SLC44A5: variants seen among roughly 807,000 people sequenced by gnomAD.
SLC44A5 encodes the protein choline transporter-like protein 5.
Under a neutral mutation model 101.8 loss-of-function variants are expected in SLC44A5, and 57 were observed. The ratio of observed to expected loss-of-function variants is 0.56; its 90% CI spans 0.45 to 0.70. SLC44A5 has a LOEUF of 0.70. Among genes scored for constraint, SLC44A5 ranks in the 30% least tolerant of loss-of-function variants. The pLI, the probability that SLC44A5 is intolerant of heterozygous loss-of-function variation, is 0.00. For missense variants in SLC44A5, 737 were observed against 853.1 expected (o/e 0.86, Z 1.70); for synonymous variants, 281 against 290.9 (o/e 0.97, Z 0.35).
At chr1:75,258,495 G>T (rs1052013407) in intron 6 of SLC44A5, among the ~76,000 whole-genome samples, 1 of 152,184 alleles carries the variant, frequency 6.6e-6, no homozygotes, top group East Asian at 1.9e-4. Flanking sequence ...TCTCTGGGCA[G>T]GGCATCTCTG....
chr1:75,257,763 T>C (rs1315786606), intron 6 of SLC44A5, among the ~76,000 whole-genome samples: 3 of 152,060 alleles, frequency 2.0e-5, no homozygotes, highest in Non-Finnish European at 4.4e-5. Flanking sequence ...GCTGGCAAGA[T>C]GGCTAAATAG....
chr1:75,644,737 C>T, the SLC44A5 span, among the ~76,000 whole-genome samples: 1 of 151,876 alleles, frequency 6.6e-6, no homozygotes, highest in African/African-American at 2.4e-5. Context: ...TGTGCTGCAC[C>T]TATTAACTCA....
At chr1:75,692,483 C>T in the SLC44A5 span, among the ~76,000 whole-genome samples, 16 of 152,142 alleles carry the variant, frequency 1.1e-4, no homozygotes, top group Admixed American at 5.2e-4. Flanking sequence ...GCATGAGCCA[C>T]CGCAGCCGGC....
Position 75,519,739 on chromosome 1 carries a change from T to C in SLC44A5, c.13+21696A>G, listed in dbSNP as rs370769215. ...AACATCTCTATCATCTCCTAAAGAATATATCTTATCATTTAACAACAACTC... is the reference window on the plus strand; with the variant it reads ...AACATCTCTATCATCTCCTAAAGAACATATCTTATCATTTAACAACAACTC... On this transcript the variant is annotated intron_variant, in intron 2 of 23. Transcript: ENST00000370859. 5.3e-5 allele frequency among the ~76,000 whole-genome samples: 8 copies of C among 152,362 alleles called. No homozygotes were observed. In the East Asian group the frequency reaches 9.6e-4, roughly 18 times the overall value.
At chr1:75,598,007 C>T (rs1448956594) in intron 1 of SLC44A5, among the ~76,000 whole-genome samples, 1 of 151,840 alleles carries the variant, frequency 6.6e-6, no homozygotes, top group Non-Finnish European at 1.5e-5. Context: ...AAAAGAAAAC[C>T]TAGAGAATGG....
At chr1:75,271,488 C>T (rs983238573) in intron 6 of SLC44A5, among the ~76,000 whole-genome samples, 3 of 80,818 alleles carry the variant, frequency 3.7e-5, no homozygotes, top group African/African-American at 1.6e-4. Flanking sequence ...TTATATCACT[C>T]TGCATGTTTT....
chr1:75,657,124 G>A, the SLC44A5 span, among the ~76,000 whole-genome samples: 2 of 152,136 alleles, frequency 1.3e-5, no homozygotes, highest in Non-Finnish European at 2.9e-5. Context: ...ACTCCAGCCT[G>A]CGTGACAGAA....
intron 2 of SLC44A5, among the ~76,000 whole-genome samples, chr1:75,417,619 G>A (rs12077220): frequency 0.011 from 1,671 of 152,326 alleles, 33 homozygotes; most frequent in African/African-American, 0.038. Context: ...TCTGGACATA[G>A]GTGAGATCTC....
the SLC44A5 span, among the ~76,000 whole-genome samples, chr1:75,721,388 G>A: frequency 1.3e-5 from 2 of 152,142 alleles, no homozygotes; most frequent in African/African-American, 2.4e-5. Context: ...TTCTTAAAAC[G>A]TTATGAAATT....
chr1:75,700,107 A>G, the SLC44A5 span, among the ~76,000 whole-genome samples: 2 of 152,138 alleles, frequency 1.3e-5, no homozygotes, highest in African/African-American at 4.8e-5. Context: ...TGAGACAGAA[A>G]GTTAACAAGG....
chr1:75,325,716 A>G (rs1656533251), intron 4 of SLC44A5, among the ~76,000 whole-genome samples: 2 of 151,524 alleles, frequency 1.3e-5, no homozygotes. Context: ...GAAAATGCAT[A>G]GCATATGTTT....
chr1:75,424,906 C>A (rs758627413), intron 2 of SLC44A5, among the ~76,000 whole-genome samples: 3 of 152,058 alleles, frequency 2.0e-5, no homozygotes, highest in African/African-American at 4.8e-5. Flanking sequence ...AAAACATATA[C>A]AAACAATTCA....
rs1206983122 is a variant in SLC44A5 at position 75,483,312 on chromosome 1, G to T, written c.13+58123C>A. Among the ~76,000 whole-genome samples, 3 of 152,202 alleles carry T rather than the reference G, an allele frequency of 2.0e-5. No individual in the cohort carries two copies. The East Asian group carries it at 5.8e-4, about 29-fold the overall frequency. ...AAATCCAGATATCATTTTTATTACTGGTGTTATTAAAATCAAAGTTCTAAA... is the reference window on the plus strand; with the variant it reads ...AAATCCAGATATCATTTTTATTACTTGTGTTATTAAAATCAAAGTTCTAAA... On this transcript the variant is annotated intron_variant, in intron 2 of 23. Coordinates refer to ENST00000370859, the MANE Select transcript of SLC44A5 (RefSeq NM_001130058.2).
At chr1:75,204,490 A>AC (rs1646716672) in intron 23 of SLC44A5, 1 of 148,858 alleles carries the variant, frequency 6.7e-6, no homozygotes, top group Admixed American at 6.7e-5. Context: ...GATTTTTTCA[A>AC]CTTTTTTTTT....
At chr1:75,336,715 T>G (rs1033884692) in intron 4 of SLC44A5, among the ~76,000 whole-genome samples, 1 of 152,294 alleles carries the variant, frequency 6.6e-6, no homozygotes, top group Non-Finnish European at 1.5e-5. Flanking sequence ...AAGAGAGAGA[T>G]AAACAGAATA....
chr1:75,421,686 G>A (rs762222299), intron 2 of SLC44A5, among the ~76,000 whole-genome samples: 2 of 152,052 alleles, frequency 1.3e-5, no homozygotes, highest in East Asian at 1.9e-4. Flanking sequence ...CTGGCTGTTC[G>A]TTTTATATAT....
chr1:75,362,804 T>A (rs1659589884), intron 3 of SLC44A5, among the ~76,000 whole-genome samples: 1 of 151,972 alleles, frequency 6.6e-6, no homozygotes, highest in Non-Finnish European at 1.5e-5. Context: ...ACATGTTAGG[T>A]CCATTTGATC....
chr1:75,434,228 CT>C, intron 2 of SLC44A5, among the ~76,000 whole-genome samples: 1 of 152,244 alleles, frequency 6.6e-6, no homozygotes, highest in Middle Eastern at 3.4e-3. Flanking sequence ...TTTCCCTTAC[CT>C]GCAGCTTCCA....
the SLC44A5 span, among the ~76,000 whole-genome samples, chr1:75,693,403 C>T: frequency 6.6e-6 from 1 of 152,276 alleles, no homozygotes; most frequent in East Asian, 1.9e-4. Context: ...TTTGGGGGAA[C>T]AAACCCACTG....
Sources: allele counts gnomAD v4.1 joint callset (sites outside exome capture counted in the v4.1 genomes callset), GRCh38; gene constraint gnomAD v4.1.1; transcripts MANE v1.5; gene names NCBI Gene and HGNC (gene_info 2026-07-23, HGNC 2026-07-21).